The following SOX6 variants were observed in gnomAD, a reference collection of about 807,000 sequenced individuals.
The protein encoded by SOX6 is SRY-box transcription factor 6, also known as transcription factor SOX-6.
Under a neutral mutation model 97.8 loss-of-function variants are expected in SOX6, and 11 were observed. That is an observed-to-expected ratio of 0.11 (90% CI 0.07 to 0.19). SOX6 has a LOEUF of 0.19. Ranked by LOEUF, SOX6 falls within the 10% of genes least tolerant of loss-of-function variation. SOX6 has a pLI of 1.00. For missense variants in SOX6, 810 were observed against 1,039.5 expected, an observed-to-expected ratio of 0.78 and a Z score of 3.04; for synonymous variants, 360 against 371.4, an observed-to-expected ratio of 0.97 and a Z score of 0.35.
chr11:16,269,769 A>T (rs1292413495), intron 3 of SOX6, among the ~76,000 whole-genome samples: 1 of 151,240 alleles, frequency 6.6e-6, no homozygotes, highest in Non-Finnish European at 1.5e-5. Flanking sequence ...TACAAAAGCT[A>T]TTAATTGTTG....
At chr11:16,159,744 G>A (rs1589983720) in intron 6 of SOX6, among the ~76,000 whole-genome samples, 1 of 152,174 alleles carries the variant, frequency 6.6e-6, no homozygotes, top group East Asian at 1.9e-4. Flanking sequence ...CCATTCTATT[G>A]ACATTTATTG....
intron 4 of SOX6, among the ~76,000 whole-genome samples, chr11:16,517,821 C>G (rs1039094723): frequency 1.3e-5 from 2 of 152,158 alleles, no homozygotes; most frequent in Non-Finnish European, 2.9e-5. Flanking sequence ...AGTCTGAAAA[C>G]TAATCTGTCA....
rs1853294368 is a variant in SOX6 at position 15,971,184 on chromosome 11, A to G, written c.*1625T>C. The G allele has an allele frequency of 6.6e-6, 1 of 152,628 alleles. No homozygotes were observed. Among genetic ancestry groups the G allele is most frequent in the Admixed American group, 6.6e-5 (1 of 15,260 alleles). The allele number at this position is 152,628 out of a possible 1,614,324, so 9.5% of individuals were successfully genotyped here. On this transcript the variant is annotated 3_prime_UTR_variant, in exon 16 of 16. Transcript: ENST00000683767. ...AACAGTAGGAACATCCCATATAGGG[A>G]ATGTATTCCCCTCCTTCTCCTCCCT...
intron 12 of SOX6, among the ~76,000 whole-genome samples, chr11:16,019,007 A>T (rs1255928035): frequency 4.6e-5 from 7 of 152,160 alleles, no homozygotes. Context: ...TTTCAGTAGT[A>T]GAGTGGATTG....
At chr11:16,510,593 A>G (rs1860863531) in intron 4 of SOX6, among the ~76,000 whole-genome samples, 2 of 152,094 alleles carry the variant, frequency 1.3e-5, no homozygotes, top group South Asian at 4.1e-4. Flanking sequence ...AAAAAGAAAT[A>G]TTTCATTGTA....
At chr11:16,456,101 CA>C (rs1435437929) in intron 1 of SOX6, among the ~76,000 whole-genome samples, 1 of 151,976 alleles carries the variant, frequency 6.6e-6, no homozygotes, top group African/African-American at 2.4e-5. Context: ...ACACATAGTC[CA>C]GGGGGCTATG....
intron 4 of SOX6, among the ~76,000 whole-genome samples, chr11:16,489,781 T>C (rs745696420): frequency 3.9e-5 from 6 of 152,080 alleles, no homozygotes; most frequent in Non-Finnish European, 8.8e-5. Flanking sequence ...TAACTTTTTG[T>C]TCCATTACTT....
At chr11:16,091,569 T>C (rs1333029102) in intron 9 of SOX6, among the ~76,000 whole-genome samples, 1 of 152,072 alleles carries the variant, frequency 6.6e-6, no homozygotes, top group African/African-American at 2.4e-5. Context: ...ACTTTCCATT[T>C]GTAGCACAAA....
chr11:16,615,466 G>T (rs1221605048), intron 3 of SOX6, among the ~76,000 whole-genome samples: 1 of 152,132 alleles, frequency 6.6e-6, no homozygotes, highest in African/African-American at 2.4e-5. Context: ...TACAAAACTG[G>T]AACACAAATC....
intron 13 of SOX6, among the ~76,000 whole-genome samples, chr11:16,001,244 G>A (rs1271440743): frequency 6.6e-6 from 1 of 152,084 alleles, no homozygotes; most frequent in South Asian, 2.1e-4. Flanking sequence ...CTAGGCCAGA[G>A]GTCAGTTTCT....
At chr11:16,172,874 T>C (rs1167003707) in intron 6 of SOX6, among the ~76,000 whole-genome samples, 2 of 151,966 alleles carry the variant, frequency 1.3e-5, no homozygotes, top group African/African-American at 2.4e-5. Flanking sequence ...ACTAATCTAA[T>C]CATCTTTCTG....
intron 4 of SOX6, among the ~76,000 whole-genome samples, chr11:16,559,862 C>A (rs1380387570): frequency 6.6e-6 from 1 of 152,196 alleles, no homozygotes; most frequent in East Asian, 1.9e-4. Context: ...CACTTTTGAA[C>A]CCCTGATTTT....
chr11:16,204,331 C>T (rs566159205), intron 4 of SOX6, among the ~76,000 whole-genome samples: 5 of 152,142 alleles, frequency 3.3e-5, no homozygotes, highest in Admixed American at 3.3e-4. Flanking sequence ...AGTACTAAAG[C>T]AACAGTGTGC....
Position 15,971,932 on chromosome 11 carries a change from G to A in SOX6, c.*877C>T, listed in dbSNP as rs1214790114. ...TAAAGGCAAAGGGATAATGGATGTA[G>A]TGAGAGGTGGTCTCAGGCAGAGAAG... On this transcript the variant is annotated 3_prime_UTR_variant, in exon 16 of 16. Coordinates refer to ENST00000683767, the MANE Select transcript of SOX6 (RefSeq NM_001367873.1). The A allele has an allele frequency of 1.3e-5, 2 of 152,656 alleles. No homozygotes were observed. Among genetic ancestry groups the A allele is most frequent in the Non-Finnish European group, 2.9e-5 (2 of 68,060 alleles). The allele number at this position is 152,656 out of a possible 1,614,324, so 9.5% of individuals were successfully genotyped here.
At chr11:16,190,120 T>C (rs868551994) in intron 4 of SOX6, among the ~76,000 whole-genome samples, 4 of 152,324 alleles carry the variant, frequency 2.6e-5, no homozygotes, top group Middle Eastern at 3.4e-3. Flanking sequence ...GGTTAATAGA[T>C]ATATATAAGT....
chr11:16,257,386 C>T (rs1024176182), intron 3 of SOX6, among the ~76,000 whole-genome samples: 2 of 151,738 alleles, frequency 1.3e-5, no homozygotes, highest in Admixed American at 6.6e-5. Context: ...CAGAACAGAG[C>T]GCTCATAAAC....
intron 1 of SOX6, among the ~76,000 whole-genome samples, chr11:16,343,279 A>G (rs956333297): frequency 1.3e-5 from 2 of 151,966 alleles, no homozygotes; most frequent in Non-Finnish European, 2.9e-5. Flanking sequence ...AAAACAAAAG[A>G]ATGAATGTAC....
At chr11:16,209,776 A>T (rs920472673) in intron 4 of SOX6, among the ~76,000 whole-genome samples, 3 of 151,284 alleles carry the variant, frequency 2.0e-5, no homozygotes, top group Admixed American at 6.6e-5. Flanking sequence ...AATTATATAT[A>T]TTTTTTTTTC....
intron 3 of SOX6, among the ~76,000 whole-genome samples, chr11:16,648,662 T>C (rs1374873879): frequency 6.6e-6 from 1 of 152,110 alleles, no homozygotes; most frequent in Non-Finnish European, 1.5e-5. Flanking sequence ...CCTGAAATAG[T>C]CTACCCAAAT....
Sources: gnomAD v4.1 joint callset for allele counts (sites outside exome capture counted in the v4.1 genomes callset) on GRCh38, gnomAD v4.1.1 for gene constraint, MANE v1.5 for transcripts, NCBI Gene and HGNC (gene_info 2026-07-23, HGNC 2026-07-21) for gene names.